The following NRIP1 variants were observed in gnomAD, a reference collection of about 807,000 sequenced individuals.
The protein encoded by NRIP1 is nuclear receptor interacting protein 1, also known as nuclear receptor-interacting protein 1.
NRIP1 carries 28 observed loss-of-function variants against 75.0 expected under a neutral mutation model. The ratio of observed to expected loss-of-function variants is 0.37; its 90% confidence interval spans 0.28 to 0.51. The LOEUF (loss-of-function observed/expected upper bound fraction) is 0.51, where lower values mean the gene tolerates loss of function less well. NRIP1 is among the 20% of genes least tolerant of loss of function. The probability of loss-of-function intolerance (pLI) is 0.92; values close to 1 mark genes in which losing one functional copy is unlikely to be tolerated. For synonymous variants in NRIP1, 526 were observed against 487.6 expected, an observed-to-expected ratio of 1.08 and a Z score of -1.04; for missense variants, 1,435 against 1,343.7, an observed-to-expected ratio of 1.07 and a Z score of -1.06.
In NRIP1 at chr21:14,965,297, T is replaced by C. The variant is rs1005313471; in HGVS notation, c.2896A>G (p.Lys966Glu). Residue 966 changes from lysine (K) to glutamate (E), a missense_variant, in exon 4 of 4, where the codon AAA becomes GAA. By Grantham distance (56) the Lys-to-Glu change is moderately conservative. Transcript: ENST00000318948. ...SVADSKKKGHKNNVTNSKPEF... is the reference protein window; with the variant it reads ...SVADSKKKGHENNVTNSKPEF... ...GGTTTGCTGTTGGTCACATTATTTT[T>C]GTGTCCTTTCTTTTTACTGTCAGCC... 1.9e-6 allele frequency: 3 copies of C among 1,613,942 alleles called. No homozygotes were observed. In the African/African-American group the frequency reaches 4.0e-5, roughly 22 times the overall value.
chr21:15,037,403 T>C (rs934327495), intron 2 of NRIP1, among the ~76,000 whole-genome samples: 1 of 152,230 alleles, frequency 6.6e-6, no homozygotes, highest in African/African-American at 2.4e-5. Context: ...ACCAATACTT[T>C]GATTTATCAC....
At chr21:14,985,267 T>A (rs1029881604) in intron 3 of NRIP1, among the ~76,000 whole-genome samples, 5 of 152,202 alleles carry the variant, frequency 3.3e-5, no homozygotes, top group Non-Finnish European at 7.3e-5. Context: ...CTGTCATAAT[T>A]CTATGGAAAT....
At chr21:15,039,145 C>A (rs1377511595) in intron 2 of NRIP1, among the ~76,000 whole-genome samples, 1 of 151,960 alleles carries the variant, frequency 6.6e-6, no homozygotes, top group Non-Finnish European at 1.5e-5. Context: ...TAGTTTTATA[C>A]CAAGTGAGGT....
chr21:14,986,339 C>T lies in NRIP1; in HGVS notation c.-334-17813G>A, dbSNP rs150277239. 1.7e-3 allele frequency among the ~76,000 whole-genome samples: 263 copies of T among 152,294 alleles called. 3 individuals are homozygous for T. The highest frequency in any genetic ancestry group is 6.0e-3 in the African/African-American group (250 of 41,568). On this transcript the variant is annotated intron_variant, in intron 3 of 3. Transcript: ENST00000318948. ...CTAAAAACCAATTCAACAACAACAA[C>T]CATTACCCAAATAAGTCTTGAATAC...
At chr21:14,969,324 T>A (rs2086843365) in intron 3 of NRIP1, among the ~76,000 whole-genome samples, 1 of 152,200 alleles carries the variant, frequency 6.6e-6, no homozygotes, top group Non-Finnish European at 1.5e-5. Flanking sequence ...AGTCTTAATG[T>A]CAGGTCCATT....
chr21:14,975,723 T>C (rs1040093478), intron 3 of NRIP1, among the ~76,000 whole-genome samples: 12 of 151,980 alleles, frequency 7.9e-5, no homozygotes, highest in African/African-American at 2.9e-4. Context: ...AAAACAGTGA[T>C]GATTTCAGTA....
intron 1 of NRIP1, chr21:15,052,193 T>C (rs1462361431): frequency 2.0e-5 from 3 of 152,224 alleles, no homozygotes; most frequent in East Asian, 1.9e-4. Context: ...ACCCATTTCA[T>C]AGCTTTTCCG....
intron 2 of NRIP1, among the ~76,000 whole-genome samples, chr21:15,042,703 A>G (rs919547654): frequency 4.6e-5 from 7 of 152,228 alleles, no homozygotes; most frequent in Non-Finnish European, 8.8e-5. Flanking sequence ...ACTAAACATT[A>G]AATCTGCTGG....
At chr21:15,046,188 A>G (rs2089070400) in intron 1 of NRIP1, among the ~76,000 whole-genome samples, 1 of 152,226 alleles carries the variant, frequency 6.6e-6, no homozygotes, top group South Asian at 2.1e-4. Flanking sequence ...CATCAGAGGA[A>G]TCACTATCTA....
At chr21:15,018,620 G>C (rs1205951775) in intron 2 of NRIP1, among the ~76,000 whole-genome samples, 1 of 152,138 alleles carries the variant, frequency 6.6e-6, no homozygotes, top group Non-Finnish European at 1.5e-5. Context: ...GAAAAAAATG[G>C]TAACAAATTA....
At chr21:14,986,552 T>TA (rs1280425192) in intron 3 of NRIP1, among the ~76,000 whole-genome samples, 1 of 152,184 alleles carries the variant, frequency 6.6e-6, no homozygotes, top group Non-Finnish European at 1.5e-5. Context: ...CTGAGAAGGC[T>TA]AAAAAGTCAT....
At position 14,968,165 on chromosome 21, in the gene NRIP1, C is replaced by A. The variant is rs1419290530; in HGVS notation, c.28G>T (p.Asp10Tyr). The A allele has an allele frequency of 6.2e-7, 1 of 1,612,246 alleles. No individual in the cohort carries two copies. Among genetic ancestry groups the A allele is most frequent in the Admixed American group, 1.7e-5 (1 of 59,844 alleles). The change falls in exon 4 of 4, where the codon GAT (aspartate) becomes TAT (tyrosine). Residue 10 changes from aspartate (D) to tyrosine (Y), a missense_variant. By Grantham distance (160) the Asp-to-Tyr change is radical (BLOSUM62 -3). Transcript: ENST00000318948. Reference protein sequence around the residue: MTHGEELGSDVHQDSIVLTY... With the variant: MTHGEELGSYVHQDSIVLTY... ...AAAACAATAGAATCCTGGTGCACAT[C>A]AGAGCCAAGCTCTTCTCCATGAGTC...
intron 2 of NRIP1, among the ~76,000 whole-genome samples, chr21:15,032,440 T>A (rs1288601630): frequency 6.6e-6 from 1 of 152,184 alleles, no homozygotes; most frequent in Non-Finnish European, 1.5e-5. Context: ...ATTGTTTAGT[T>A]ATCAGTAGTT....
At position 14,966,477 on chromosome 21, in the gene NRIP1, A is replaced by G. The variant is rs1462935703; in HGVS notation, c.1716T>C (p.Ser572=). 6.2e-7 allele frequency: 1 copy of G among 1,613,970 alleles called. No individual in the cohort carries two copies. The highest frequency in any genetic ancestry group is 8.5e-7 in the Non-Finnish European group (1 of 1,179,990). The change falls in exon 4 of 4, where the codon TCT becomes TCC. Residue 572 remains serine, a synonymous_variant. Transcript: ENST00000318948. ...AGSPINLSQH[S]LVIKWNSPPY... is the part of the protein sequence containing the mutation. Reference sequence around the variant, plus strand: ...GTGGGGAATTCCATTTGATGACCAGAGAGTGTTGAGAGAGATTGATGGGAG... The same window carrying G: ...GTGGGGAATTCCATTTGATGACCAGGGAGTGTTGAGAGAGATTGATGGGAG...
At chr21:15,047,263 C>T (rs767560365) in intron 1 of NRIP1, among the ~76,000 whole-genome samples, 8 of 149,894 alleles carry the variant, frequency 5.3e-5, no homozygotes, top group Admixed American at 2.0e-4. Flanking sequence ...AGATCTCGGC[C>T]GGGCGCGGTG....
chr21:14,968,054 C>T lies in NRIP1; in HGVS notation c.139G>A (p.Glu47Lys). The change falls in exon 4 of 4, where the codon GAG (glutamate) becomes AAG (lysine). Residue 47 changes from glutamate to lysine, a missense_variant. By Grantham distance (56) the Glu-to-Lys change is moderately conservative (BLOSUM62 1). Transcript: ENST00000318948. ...VDKKSAGHNEEDQNFNISGSA... is the reference protein window; with the variant it reads ...VDKKSAGHNEKDQNFNISGSA... ...CCAGAAATGTTAAAGTTCTGATCCT[C>T]TTCATTATGCCCAGCAGACTTTTTG... 1 of 1,614,084 alleles carries T rather than the reference C, an allele frequency of 6.2e-7. No individual in the cohort carries two copies. The highest frequency in any genetic ancestry group is 8.5e-7 in the Non-Finnish European group (1 of 1,180,006).
At chr21:15,055,907 C>A (rs1444579831) in intron 1 of NRIP1, among the ~76,000 whole-genome samples, 1 of 150,798 alleles carries the variant, frequency 6.6e-6, no homozygotes, top group East Asian at 1.9e-4. Flanking sequence ...AATTATTGAC[C>A]CCATTGTATC....
intron 3 of NRIP1, among the ~76,000 whole-genome samples, chr21:15,004,909 A>G (rs549677525): frequency 1.6e-4 from 24 of 152,320 alleles, no homozygotes; most frequent in African/African-American, 4.8e-4. Context: ...AACACATTAT[A>G]AATAAATCAC....
intron 3 of NRIP1, chr21:14,988,250 T>C (rs2087459686): frequency 6.6e-6 from 1 of 152,176 alleles, no homozygotes; most frequent in African/African-American, 2.4e-5. Context: ...AAATAAAAGG[T>C]ACATGTAAAA....
Sources: allele counts gnomAD v4.1 joint callset (sites outside exome capture counted in the v4.1 genomes callset), GRCh38; gene constraint gnomAD v4.1.1; transcripts MANE v1.5; gene names NCBI Gene and HGNC (gene_info 2026-07-23, HGNC 2026-07-21).